The following LRRC9 variants were observed in gnomAD, a reference collection of about 807,000 sequenced individuals.
The protein encoded by LRRC9 is leucine-rich repeat-containing protein 9.
A neutral mutation model predicts 63.2 loss-of-function variants in LRRC9; 122 were observed. The ratio of observed to expected loss-of-function variants is 1.93; its 90% CI spans 1.67 to 2.24. LRRC9 has a LOEUF of 2.24. Ranked by LOEUF, LRRC9 falls within the 30% of genes most tolerant of loss-of-function variation. The pLI is 0.00. For missense variants in LRRC9, 1,071 were observed against 627.7 expected (o/e 1.71, Z -7.55); for synonymous variants, 366 against 213.1 (o/e 1.72, Z -6.25).
At chr14:59,944,677 A>C in exon 8 of LRRC9, 1 of 666,204 alleles carries the variant, frequency 1.5e-6, no homozygotes, top group Non-Finnish European at 2.7e-6. Context: ...AAACTGAATG[A>C]TCAAAAATGC....
chr14:59,949,623 T>C (rs1474613422), intron 8 of LRRC9, among the ~76,000 whole-genome samples: 5 of 151,776 alleles, frequency 3.3e-5, no homozygotes, highest in Non-Finnish European at 5.9e-5. Context: ...CTGCTTTCTC[T>C]TGTGGGCATT....
intron 29 of LRRC9, among the ~76,000 whole-genome samples, chr14:60,041,818 GA>G (rs1356494307): frequency 6.6e-6 from 1 of 152,232 alleles, no homozygotes; most frequent in African/African-American, 2.4e-5. Context: ...TGGAGGAGAA[GA>G]GGCACTCAGA....
intron 20 of LRRC9, among the ~76,000 whole-genome samples, 186 bp downstream of exon 20, chr14:60,002,286 G>A (rs1038191448): frequency 1.3e-5 from 2 of 152,122 alleles, no homozygotes; most frequent in East Asian, 1.9e-4. Context: ...ATACAATACC[G>A]TATCGTTAAC....
In LRRC9 at chr14:59,927,748, T is replaced by G. The variant is rs1310276644; in HGVS notation, c.-33-163T>G. Among the ~76,000 whole-genome samples the G allele has an allele frequency of 1.3e-5, 2 of 152,000 alleles. No homozygotes were observed. Among genetic ancestry groups the G allele is most frequent in the Admixed American group, 1.3e-4 (2 of 15,240 alleles). On this transcript the variant is annotated intron_variant, in intron 1 of 31. Transcript: ENST00000445360. This position sits in a 1 kb window ranked among gnomAD's most constrained non-coding sequence, Gnocchi z 4.4. ...AAAATTAAAATAAAAAATAACCTCC[T>G]AACAGAAAACTCCCTCAGAGTTTAT...
In LRRC9 at chr14:59,929,229, AAAAC is replaced by A. The variant is rs1387451187; in HGVS notation, c.267+750_267+753del. ...GGAACCTAAACAAATTTACAAGAAA[AAAAC>A]AAACAACCCCATTAAAAAGTGGGCA... On this transcript the variant is annotated intron_variant, in intron 3 of 31. Coordinates refer to ENST00000445360, the Ensembl canonical transcript of LRRC9. Among the ~76,000 whole-genome samples, 4 of 152,248 alleles carry A rather than the reference AAAAC, an allele frequency of 2.6e-5. No homozygotes were observed. In the South Asian group the frequency reaches 8.3e-4, roughly 32 times the overall value.
rs552839171 is a variant in LRRC9, at chr14:59,949,325, G to A, written c.882+4581G>A. Among the ~76,000 whole-genome samples the A allele has an allele frequency of 2.6e-3, 402 of 152,238 alleles. 2 individuals carry two copies. The highest frequency in any genetic ancestry group is 9.2e-3 in the African/African-American group (382 of 41,534). Reference sequence around the variant, plus strand: ...GTGTTTGTAGTATTCTCTGATGGTAGTTTGTATTTCTGTGGGATCGGTGAT... The same window carrying A: ...GTGTTTGTAGTATTCTCTGATGGTAATTTGTATTTCTGTGGGATCGGTGAT... On this transcript the variant is annotated intron_variant, in intron 8 of 31. Coordinates refer to ENST00000445360, the Ensembl canonical transcript of LRRC9.
At chr14:60,001,832 G>A in intron 19 of LRRC9, 134 bp from the exon 20 acceptor site, 2 of 438,472 alleles carry the variant, frequency 4.6e-6, no homozygotes, top group Non-Finnish European at 8.0e-6. Context: ...AACAATTTAA[G>A]GCAAAGGAAA....
In LRRC9 at chr14:59,974,674, GA is replaced by G. The variant is rs1392449490; in HGVS notation, c.1609del (p.Ile537SerfsTer51). The G allele has an allele frequency of 2.9e-6, 2 of 687,564 alleles. No individual in the cohort carries two copies. The highest frequency in any genetic ancestry group is 5.3e-6 in the Non-Finnish European group (2 of 377,486). The allele number at this position is 687,564 out of a possible 1,614,324, so 42.6% of individuals were successfully genotyped here. On this transcript the variant is annotated frameshift_variant, in exon 13 of 32. Coordinates refer to ENST00000445360, the Ensembl canonical transcript of LRRC9. LOFTEE classifies it high-confidence loss of function. ...TACAGCAAAAGCACAAAGATGAGAA[GA>G]AAATCTCTCTTAAGCATGAGCTCTT...
chr14:59,998,878 A>T (rs924701239), intron 18 of LRRC9, among the ~76,000 whole-genome samples: 10 of 151,976 alleles, frequency 6.6e-5, no homozygotes, highest in Admixed American at 5.9e-4. Context: ...AGCTTATGGG[A>T]TTTCCCTTCC....
At chr14:59,969,359 C>T (rs1318329534) in intron 12 of LRRC9, 2 of 152,130 alleles carry the variant, frequency 1.3e-5, no homozygotes, top group African/African-American at 2.4e-5. Flanking sequence ...CCTGATCTTC[C>T]CTTTTTTCTT....
chr14:59,943,977 C>T (rs1340653147), intron 7 of LRRC9, among the ~76,000 whole-genome samples: 1 of 151,810 alleles, frequency 6.6e-6, no homozygotes, highest in Non-Finnish European at 1.5e-5. Flanking sequence ...CTCTCAAACA[C>T]CATTTAGCTG....
chr14:59,966,712 A>T lies in LRRC9; in HGVS notation c.1335A>T (p.Lys445Asn), dbSNP rs540796366. ...TTAACAACCGTATTCTGAGACTAAA[A>T]TTCGAAGAGAAATTTCAAAAGTTTT... Residue 445 changes from lysine (K) to asparagine (N), a missense_variant, in exon 11 of 32, where the codon AAA (lysine) becomes AAT (asparagine). Lys to Asn is a moderately conservative substitution (Grantham distance 94, BLOSUM62 0). Transcript: ENST00000445360. The surrounding 1 kb of genome is among the most constrained non-coding windows in gnomAD (Gnocchi z 4.0). The T allele has an allele frequency of 1.5e-6, 1 of 688,192 alleles. No homozygotes were observed. Among genetic ancestry groups the T allele is most frequent in the Non-Finnish European group, 2.6e-6 (1 of 378,102 alleles). 42.6% of individuals were successfully genotyped at this position (688,192 alleles called of 1,614,324 possible).
Position 59,942,145 on chromosome 14 carries a change from ATTC to A in LRRC9, c.727-2441_727-2439del, listed in dbSNP as rs1253817570. On this transcript the variant is annotated intron_variant, in intron 7 of 31. Transcript: ENST00000445360. This position sits in a 1 kb window ranked among gnomAD's most constrained non-coding sequence, Gnocchi z 5.3. ...ATGTTGCCACAAATGACAGGATTTA[ATTC>A]TTTTTTATGGTTAAATAGTATTCCA... Among the ~76,000 whole-genome samples, 1 of 152,170 alleles carries A rather than the reference ATTC, an allele frequency of 6.6e-6. No individual in the cohort carries two copies. The highest frequency in any genetic ancestry group is 6.5e-5 in the Admixed American group (1 of 15,270).
intron 29 of LRRC9, among the ~76,000 whole-genome samples, chr14:60,050,017 G>C (rs1333139584): frequency 4.7e-5 from 7 of 149,656 alleles, no homozygotes; most frequent in African/African-American, 1.8e-4. Flanking sequence ...TTTTATTTGA[G>C]ACAGAGTCTC....
In LRRC9 at chr14:60,060,116, A is replaced by G. The variant is rs1474348627; in HGVS notation, c.4276+2094A>G. Among the ~76,000 whole-genome samples, 2 of 152,230 alleles carry G rather than the reference A, an allele frequency of 1.3e-5. No homozygotes were observed. Among genetic ancestry groups the G allele is most frequent in the Admixed American group, 6.5e-5 (1 of 15,278 alleles). On this transcript the variant is annotated intron_variant, in intron 31 of 31. Coordinates refer to ENST00000445360, the Ensembl canonical transcript of LRRC9. This position sits in a 1 kb window ranked among gnomAD's most constrained non-coding sequence, Gnocchi z 4.0. ...TGTAAAACTCCTAGGGCTCTTAAGA[A>G]TTATGCTAAATCTACTTTGTCTATG...
chr14:59,934,083 T>C (rs909219430), intron 6 of LRRC9, among the ~76,000 whole-genome samples: 2 of 151,624 alleles, frequency 1.3e-5, no homozygotes, highest in African/African-American at 2.4e-5. Flanking sequence ...GTCAGGAGAT[T>C]CCAGGAATAA....
chr14:60,036,491 T>A (rs1309877357), intron 29 of LRRC9, among the ~76,000 whole-genome samples: 1 of 152,222 alleles, frequency 6.6e-6, no homozygotes, highest in Non-Finnish European at 1.5e-5. Flanking sequence ...CATTGATGAC[T>A]TTGACTCTTC....
chr14:59,976,399 G>T (rs1254825973), intron 13 of LRRC9, among the ~76,000 whole-genome samples: 1 of 152,112 alleles, frequency 6.6e-6, no homozygotes, highest in East Asian at 1.9e-4. Context: ...CAGAAATTGG[G>T]TTAACTTAAT....
At chr14:59,947,828 C>T (rs1018196672) in intron 8 of LRRC9, among the ~76,000 whole-genome samples, 466 of 150,574 alleles carry the variant, frequency 3.1e-3, no homozygotes, top group African/African-American at 0.01. Flanking sequence ...AGGTAAGCGG[C>T]GTTATTTCTG....
Sources: gnomAD v4.1 joint callset for allele counts (sites outside exome capture counted in the v4.1 genomes callset) on GRCh38, gnomAD v4.1.1 for gene constraint, Gnocchi (gnomAD v3.1) non-coding constraint, MANE v1.5 for transcripts, NCBI Gene and HGNC (gene_info 2026-07-23, HGNC 2026-07-21) for gene names.